Variants in CNBP observed in about 807,000 individuals in gnomAD.
CNBP encodes the protein cellular nucleic acid-binding protein.
In CNBP, 6 loss-of-function variants were observed where a neutral mutation model predicts 21.2. The ratio of observed to expected loss-of-function variants is 0.28; its 90% CI spans 0.16 to 0.56. The LOEUF (loss-of-function observed/expected upper bound fraction) is 0.56, where lower values mean the gene tolerates loss of function less well. Ranked by LOEUF, CNBP falls within the 20% of genes least tolerant of loss-of-function variation. The pLI is 0.93. For synonymous variants in CNBP, 61 were observed against 74.9 expected (o/e 0.81, Z 0.96); for missense variants, 112 against 233.1 (o/e 0.48, Z 3.38).
intron 1 of CNBP, among the ~76,000 whole-genome samples, chr3:129,175,675 G>T (rs1056543441): frequency 6.6e-6 from 1 of 152,100 alleles, no homozygotes; most frequent in African/African-American, 2.4e-5. Flanking sequence ...TGATCCACCC[G>T]CCTTGGCCTC....
In CNBP at chr3:129,168,689, C is replaced by T. The variant is rs370844051; in HGVS notation, c.*1764G>A. The stretch of plus-strand genomic sequence containing the variant: ...AAAACTGTTCAGAATCGGCCAGACA[C>T]GGTGGCTCGCACCTGTAACACTAGC... On this transcript the variant is annotated 3_prime_UTR_variant, in exon 5 of 5. Transcript: ENST00000422453. Among the ~76,000 whole-genome samples, 31 of 149,654 alleles carry T rather than the reference C, an allele frequency of 2.1e-4. 3 individuals carry two copies. Among genetic ancestry groups the T allele is most frequent in the Admixed American group, 6.0e-4 (9 of 14,986 alleles).
chr3:129,177,670 G>A (rs1458615329), intron 1 of CNBP, among the ~76,000 whole-genome samples: 2 of 152,140 alleles, frequency 1.3e-5, no homozygotes, highest in Non-Finnish European at 1.5e-5. Flanking sequence ...TCTATTTCCT[G>A]AATGGAATGG....
rs756429705 is a variant in CNBP, at chr3:129,171,286, A to G, written c.218-9T>C. The G allele has an allele frequency of 2.1e-5, 34 of 1,614,140 alleles. No homozygotes were observed. The East Asian group carries it at 4.0e-4, about 19-fold the overall frequency. ...ACCGCAGTTATAGCAGGCTTCAACAATAAGGAAAAGAAACAGGCCAAGACT... is the reference window on the plus strand; with the variant it reads ...ACCGCAGTTATAGCAGGCTTCAACAGTAAGGAAAAGAAACAGGCCAAGACT... On this transcript the variant is annotated splice_polypyrimidine_tract_variant and intron_variant, in intron 3 of 4. Coordinates refer to ENST00000422453, the MANE Select transcript of CNBP (RefSeq NM_003418.5).
rs143427890 is a variant in CNBP, at chr3:129,172,636, G to C, written c.-14-865C>G. On this transcript the variant is annotated intron_variant, in intron 1 of 4. Coordinates refer to ENST00000422453, the MANE Select transcript of CNBP (RefSeq NM_003418.5). ...GGCAGACAGGCAGCCAGGCAGGCAGGCAGGCAGGCAGGCAGGCAGGCAGAC... is the reference window on the plus strand; with the variant it reads ...GGCAGACAGGCAGCCAGGCAGGCAGCCAGGCAGGCAGGCAGGCAGGCAGAC... Among the ~76,000 whole-genome samples, 103 of 46,348 alleles carry C rather than the reference G, an allele frequency of 2.2e-3. 1 individual carries two copies. Among genetic ancestry groups the C allele is most frequent in the East Asian group, 7.7e-3 (12 of 1,562 alleles). 30.4% of individuals were successfully genotyped at this position (46,348 alleles called of 152,430 possible). A position where few individuals can be genotyped will look rare whatever the true frequency, so the allele number is the denominator to read the frequency against.
chr3:129,174,972 G>T (rs1158082110), intron 1 of CNBP, among the ~76,000 whole-genome samples: 1 of 152,080 alleles, frequency 6.6e-6, no homozygotes, highest in African/African-American at 2.4e-5. Flanking sequence ...CAAGGCAGGA[G>T]GATCACCTGA....
At chr3:129,181,340 C>T (rs1938277344) in intron 1 of CNBP, among the ~76,000 whole-genome samples, 1 of 149,700 alleles carries the variant, frequency 6.7e-6, no homozygotes, top group Non-Finnish European at 1.5e-5. Flanking sequence ...CTGCCTGTTC[C>T]AGATGTTCAA....
chr3:129,182,791 TAAC>T (rs1399992548), intron 1 of CNBP, among the ~76,000 whole-genome samples: 1 of 152,162 alleles, frequency 6.6e-6, no homozygotes, highest in African/African-American at 2.4e-5. Context: ...AATGGTAATG[TAAC>T]ACAAGCAACT....
chr3:129,181,953 C>T (rs1286005422), intron 1 of CNBP, among the ~76,000 whole-genome samples: 3 of 151,994 alleles, frequency 2.0e-5, no homozygotes, highest in Non-Finnish European at 2.9e-5. Context: ...ACAGCATGTA[C>T]CTAGGATCCT....
intron 1 of CNBP, among the ~76,000 whole-genome samples, chr3:129,178,177 A>T (rs1353051627): frequency 1.3e-5 from 2 of 151,628 alleles, no homozygotes; most frequent in African/African-American, 4.8e-5. Flanking sequence ...AAAAAAAAAA[A>T]AATAAGGTCT....
intron 1 of CNBP, among the ~76,000 whole-genome samples, chr3:129,180,027 A>C (rs965934435): frequency 3.9e-5 from 6 of 152,304 alleles, no homozygotes; most frequent in African/African-American, 9.6e-5. Context: ...GAAAAGGAAA[A>C]AAAAAGTTAA....
intron 1 of CNBP, among the ~76,000 whole-genome samples, chr3:129,180,006 C>CA (rs201834486): frequency 8.5e-4 from 109 of 128,550 alleles, no homozygotes; most frequent in East Asian, 1.5e-3. Context: ...ACTTTGTCTC[C>CA]AAAAAAAAAA....
chr3:129,176,644 A>C (rs1305727355), intron 1 of CNBP, among the ~76,000 whole-genome samples: 1 of 152,220 alleles, frequency 6.6e-6, no homozygotes, highest in Non-Finnish European at 1.5e-5. Context: ...CATTAATTTA[A>C]AGTAATGATG....
chr3:129,179,539 G>C (rs958710788), intron 1 of CNBP, among the ~76,000 whole-genome samples: 1 of 152,130 alleles, frequency 6.6e-6, no homozygotes, highest in Admixed American at 6.5e-5. Context: ...ACAACCTCAC[G>C]AGTTATGTAT....
intron 3 of CNBP, 45 bp downstream of exon 3, chr3:129,171,401 C>T: frequency 6.3e-7 from 1 of 1,596,648 alleles, no homozygotes; most frequent in African/African-American, 1.3e-5. Flanking sequence ...GTGCTCACCT[C>T]TCCAAGCTCT....
intron 1 of CNBP, among the ~76,000 whole-genome samples, chr3:129,182,942 GTT>G (rs1553789259): frequency 5.5e-4 from 1 of 1,818 alleles, no homozygotes; most frequent in Non-Finnish European, 1.4e-3. Context: ...CTTTGTTGTT[GTT>G]TGTTTGTTTG....
chr3:129,172,663 GACAGACAGACAGACAGA>G (rs1576912546), intron 1 of CNBP, among the ~76,000 whole-genome samples: 32 of 112,910 alleles, frequency 2.8e-4, no homozygotes, highest in East Asian at 2.5e-3. Context: ...CAGGCAGACA[GACAGACAGACAGACAGA>G]CAGACAGACA....
chr3:129,173,159 T>C (rs1937657079), intron 1 of CNBP, among the ~76,000 whole-genome samples: 1 of 152,218 alleles, frequency 6.6e-6, no homozygotes, highest in Non-Finnish European at 1.5e-5. Flanking sequence ...CATGCAGACT[T>C]TTCTTGCCAT....
intron 1 of CNBP, among the ~76,000 whole-genome samples, chr3:129,175,309 G>A (rs1006789207): frequency 6.6e-6 from 1 of 151,896 alleles, no homozygotes; most frequent in East Asian, 1.9e-4. Context: ...GGGTGACAGA[G>A]CAAGACTCCG....
chr3:129,171,393 G>T, intron 3 of CNBP, 53 bp downstream of exon 3: 1 of 1,582,322 alleles, frequency 6.3e-7, no homozygotes, highest in South Asian at 1.1e-5. Flanking sequence ...AGTTGCATGT[G>T]CTCACCTCTC....
Sources: gnomAD v4.1 joint callset for allele counts (sites outside exome capture counted in the v4.1 genomes callset) on GRCh38, gnomAD v4.1.1 for gene constraint, MANE v1.5 for transcripts, NCBI Gene and HGNC (gene_info 2026-07-23, HGNC 2026-07-21) for gene names.